The following KLC1 variants were observed in gnomAD, a reference collection of about 807,000 sequenced individuals.
The protein encoded by KLC1 is kinesin 2 60/70kDa.
In KLC1, 30 loss-of-function variants were observed where a neutral mutation model predicts 84.2. That is an observed-to-expected ratio of 0.36 (90% CI 0.27 to 0.48). The LOEUF is 0.48. Among genes scored for constraint, KLC1 ranks in the 20% least tolerant of loss-of-function variants. KLC1 has a pLI of 0.99. For missense variants in KLC1, 499 were observed against 805.4 expected, an observed-to-expected ratio of 0.62 and a Z score of 4.60; for synonymous variants, 289 against 293.3, an observed-to-expected ratio of 0.99 and a Z score of 0.15.
chr14:103,675,478 C>T, intron 9 of KLC1, 74 bp from the exon 10 acceptor site: 1 of 1,268,988 alleles, frequency 7.9e-7, no homozygotes. Context: ...AAAGGAAATT[C>T]CCCTTAGAGC....
chr14:103,679,382 A>G lies in KLC1; in HGVS notation c.1489-2A>G. The G allele has an allele frequency of 6.2e-7, 1 of 1,613,518 alleles. No individual in the cohort carries two copies. The highest frequency in any genetic ancestry group is 8.5e-7 in the Non-Finnish European group (1 of 1,179,890). ...AACCATTTTCCCCTGCCTGGCTCAC[A>G]GGGTCTTGACAATGTTCACAAACAG... is the stretch of plus-strand genomic sequence containing the variant. On this transcript the variant is annotated splice_acceptor_variant, in intron 12 of 16. Transcript: ENST00000334553. LOFTEE classifies it high-confidence loss of function.
intron 15 of KLC1, chr14:103,697,925 C>G (rs1441493899): frequency 2.0e-5 from 3 of 152,566 alleles, no homozygotes; most frequent in Non-Finnish European, 2.9e-5. Flanking sequence ...CATATCCCTA[C>G]CAGAATACCA....
chr14:103,685,129 T>C lies in KLC1; in HGVS notation c.1651-1952T>C, dbSNP rs948434610. ...CCTGGCAGGACCCAGGACGCATTGC[T>C]GCCTGTGGAAATTAATTTTCTTTTG... is the stretch of plus-strand genomic sequence containing the variant. On this transcript the variant is annotated intron_variant, in intron 13 of 16. Coordinates refer to ENST00000334553, the MANE Select transcript of KLC1 (RefSeq NM_001394837.1). 45 of 1,481,318 alleles carry C rather than the reference T, an allele frequency of 3.0e-5. No individual in the cohort carries two copies. In the Middle Eastern group the frequency reaches 6.1e-4, roughly 20 times the overall value. 91.8% of individuals were successfully genotyped at this position (1,481,318 alleles called of 1,614,324 possible). A position where few individuals can be genotyped will look rare whatever the true frequency, so the allele number is the denominator to read the frequency against.
At chr14:103,683,951 G>A (rs953107197) in intron 13 of KLC1, 4 of 152,244 alleles carry the variant, frequency 2.6e-5, no homozygotes, top group Admixed American at 2.6e-4. Context: ...GCCGAGGCGG[G>A]TGGATCACTT....
At chr14:103,686,189 G>T in intron 13 of KLC1, 1 of 987,012 alleles carries the variant, frequency 1.0e-6, no homozygotes, top group Non-Finnish European at 1.2e-6. Context: ...TTGTGTATTT[G>T]TGTCTTTCTA....
At chr14:103,667,488 G>A (rs970302373) in intron 5 of KLC1, among the ~76,000 whole-genome samples, 3 of 151,848 alleles carry the variant, frequency 2.0e-5, no homozygotes, top group South Asian at 2.1e-4. Context: ...GGTGCATGTC[G>A]CCAGGCCTGG....
chr14:103,639,916 A>G (rs899845131), intron 1 of KLC1, among the ~76,000 whole-genome samples: 1 of 151,094 alleles, frequency 6.6e-6, no homozygotes, highest in Non-Finnish European at 1.5e-5. Context: ...CACCACACCC[A>G]GCTAATTTTG....
At chr14:103,692,607 T>A (rs992612238) in intron 15 of KLC1, among the ~76,000 whole-genome samples, 182 bp downstream of exon 15, 2 of 152,180 alleles carry the variant, frequency 1.3e-5, no homozygotes, top group African/African-American at 2.4e-5. Context: ...AACCACTGAT[T>A]ATGTGAATTA....
intron 1 of KLC1, among the ~76,000 whole-genome samples, chr14:103,634,458 A>G (rs1277649979): frequency 6.6e-6 from 1 of 152,170 alleles, no homozygotes; most frequent in Non-Finnish European, 1.5e-5. Context: ...TGGGGCAGCC[A>G]AGTGGACTAG....
chr14:103,673,958 G>A (rs1256840114), intron 9 of KLC1, among the ~76,000 whole-genome samples: 1 of 151,844 alleles, frequency 6.6e-6, no homozygotes, highest in Non-Finnish European at 1.5e-5. Flanking sequence ...TAAGTGACTT[G>A]TGTGAGGCCC....
intron 1 of KLC1, among the ~76,000 whole-genome samples, chr14:103,645,485 A>G (rs1254087930): frequency 6.6e-6 from 1 of 152,000 alleles, no homozygotes; most frequent in African/African-American, 2.4e-5. Flanking sequence ...GCATCCACCT[A>G]ATGCAGTTGT....
chr14:103,690,683 A>G (rs553900810), intron 14 of KLC1, among the ~76,000 whole-genome samples: 39 of 152,364 alleles, frequency 2.6e-4, no homozygotes, highest in African/African-American at 9.1e-4. Context: ...AACCCTCAGT[A>G]TCGGTTGCTT....
chr14:103,676,428 G>T (rs2080880635), intron 11 of KLC1, among the ~76,000 whole-genome samples: 1 of 152,128 alleles, frequency 6.6e-6, no homozygotes, highest in African/African-American at 2.4e-5. Context: ...GCCATGCCTG[G>T]CTATTTTTTG....
chr14:103,691,264 A>G (rs910775418), intron 14 of KLC1, among the ~76,000 whole-genome samples: 1 of 148,854 alleles, frequency 6.7e-6, no homozygotes, highest in Non-Finnish European at 1.5e-5. Context: ...GCTTAAGTGA[A>G]TCTTGTGCCT....
chr14:103,676,507 C>T (rs566813323), intron 11 of KLC1, among the ~76,000 whole-genome samples: 16 of 152,270 alleles, frequency 1.1e-4, no homozygotes, highest in Admixed American at 3.9e-4. Flanking sequence ...CTCAGGTGAT[C>T]CACCCGCCTC....
At chr14:103,658,783 G>A (rs1466456084) in intron 3 of KLC1, among the ~76,000 whole-genome samples, 18 of 141,402 alleles carry the variant, frequency 1.3e-4, no homozygotes, top group African/African-American at 1.6e-4. Flanking sequence ...TCAGCCTCCC[G>A]AGTAGCTGGG....
At chr14:103,662,954 AT>A in intron 5 of KLC1, 27 bp downstream of exon 5, 1 of 1,488,526 alleles carries the variant, frequency 6.7e-7, no homozygotes, top group Non-Finnish European at 9.2e-7. Flanking sequence ...TACCTACTGA[AT>A]TTTACCTAGA....
Position 103,691,458 on chromosome 14 carries a change from CTT to C in KLC1, c.1782-874_1782-873del, listed in dbSNP as rs71126053. ...TACAAGCATGAGCCACCACGCCTGG[CTT>C]TTTTTTTTTTTTTTTTTTTTTTTTT... On this transcript the variant is annotated intron_variant, in intron 14 of 16. Coordinates refer to ENST00000334553, the MANE Select transcript of KLC1 (RefSeq NM_001394837.1). 1.9e-4 allele frequency among the ~76,000 whole-genome samples: 13 copies of C among 68,826 alleles called. No individual in the cohort carries two copies. The East Asian group carries it at 4.8e-3, about 25-fold the overall frequency. 45.2% of individuals were successfully genotyped at this position (68,826 alleles called of 152,430 possible). A position where few individuals can be genotyped will look rare whatever the true frequency, so the allele number is the denominator to read the frequency against.
chr14:103,700,376 A>G lies in KLC1; in HGVS notation c.1849-279A>G, dbSNP rs2083066282. 1.0e-5 allele frequency: 4 copies of G among 401,212 alleles called. No individual in the cohort carries two copies. In the East Asian group the frequency reaches 1.8e-4, roughly 18 times the overall value. 24.9% of individuals were successfully genotyped at this position (401,212 alleles called of 1,614,324 possible). A position where few individuals can be genotyped will look rare whatever the true frequency, so the allele number is the denominator to read the frequency against. On this transcript the variant is annotated intron_variant, in intron 15 of 16. Coordinates refer to ENST00000334553, the MANE Select transcript of KLC1 (RefSeq NM_001394837.1). ...GGTGCTGCCGTGGCCTGTGGGTGCCAGAGCCATTGGCATGGCTGGCCTGGC... is the reference window on the plus strand; with the variant it reads ...GGTGCTGCCGTGGCCTGTGGGTGCCGGAGCCATTGGCATGGCTGGCCTGGC...
Sources: allele counts gnomAD v4.1 joint callset (sites outside exome capture counted in the v4.1 genomes callset), GRCh38; gene constraint gnomAD v4.1.1; transcripts MANE v1.5; gene names NCBI Gene and HGNC (gene_info 2026-07-23, HGNC 2026-07-21).